Variants in VDAC1 observed in about 807,000 individuals in gnomAD.
VDAC1 encodes the protein non-selective voltage-gated ion channel VDAC1.
In VDAC1, 10 loss-of-function variants were observed where a neutral mutation model predicts 34.7. That is an observed-to-expected ratio of 0.29 (90% CI 0.18 to 0.49). VDAC1 has a LOEUF of 0.49. VDAC1 is among the 20% of genes least tolerant of loss of function. The pLI is 0.99. For synonymous variants in VDAC1, 130 were observed against 136.0 expected (o/e 0.96, Z 0.30); for missense variants, 230 against 347.9 (o/e 0.66, Z 2.69).
the VDAC1 span, among the ~76,000 whole-genome samples, chr5:134,025,767 A>T: frequency 6.7e-6 from 1 of 149,844 alleles, no homozygotes; most frequent in Non-Finnish European, 1.5e-5. Flanking sequence ...GTTTCTTTTC[A>T]TTTTTTTTCA....
At chr5:134,087,655 G>A in the VDAC1 span, among the ~76,000 whole-genome samples, 1 of 150,392 alleles carries the variant, frequency 6.6e-6, no homozygotes, top group South Asian at 2.1e-4. Flanking sequence ...AGGAGTTCAA[G>A]ACCAGCCTGA....
chr5:134,109,957 C>A, the VDAC1 span, among the ~76,000 whole-genome samples: 3 of 152,090 alleles, frequency 2.0e-5, no homozygotes, highest in Non-Finnish European at 4.4e-5. Flanking sequence ...GGACCTGGCA[C>A]ACAGTGGCCA....
At chr5:134,097,752 A>G in the VDAC1 span, among the ~76,000 whole-genome samples, 1 of 152,204 alleles carries the variant, frequency 6.6e-6, no homozygotes, top group Non-Finnish European at 1.5e-5. Context: ...ACAGACATAG[A>G]AGGAGCCAGA....
intron 1 of VDAC1, among the ~76,000 whole-genome samples, chr5:133,993,960 G>A (rs1260321263): frequency 1.3e-5 from 2 of 152,168 alleles, no homozygotes; most frequent in African/African-American, 4.8e-5. Flanking sequence ...GGTCATGCAT[G>A]AGAAAGCCTC....
the VDAC1 span, among the ~76,000 whole-genome samples, chr5:134,018,787 C>A: frequency 6.6e-6 from 1 of 152,196 alleles, no homozygotes; most frequent in Non-Finnish European, 1.5e-5. Flanking sequence ...TTGAGTCAAG[C>A]ATGCTCAGCT....
At chr5:134,047,817 G>A in the VDAC1 span, among the ~76,000 whole-genome samples, 4 of 152,180 alleles carry the variant, frequency 2.6e-5, no homozygotes, top group Admixed American at 6.5e-5. Context: ...GGGATGTCGC[G>A]GGGCAGGTCC....
the VDAC1 span, among the ~76,000 whole-genome samples, chr5:134,047,935 C>CT: frequency 2.3e-3 from 333 of 143,646 alleles, no homozygotes; most frequent in South Asian, 9.1e-3. Context: ...TCATTTTTCT[C>CT]TTTTTTTTTT....
At chr5:134,055,912 G>C in the VDAC1 span, among the ~76,000 whole-genome samples, 1 of 151,558 alleles carries the variant, frequency 6.6e-6, no homozygotes, top group Non-Finnish European at 1.5e-5. Flanking sequence ...TTCACACACA[G>C]AGAGAACTTG....
intron 1 of VDAC1, among the ~76,000 whole-genome samples, chr5:134,004,274 T>C (rs1381789588): frequency 6.6e-6 from 1 of 151,884 alleles, no homozygotes; most frequent in Non-Finnish European, 1.5e-5. Flanking sequence ...GGATGCACGC[T>C]GGTGGGATCC....
At chr5:134,055,588 G>GTTTT in the VDAC1 span, among the ~76,000 whole-genome samples, 211 of 59,592 alleles carry the variant, frequency 3.5e-3, 31 homozygotes, top group African/African-American at 0.011. Context: ...CCCCGCTAAT[G>GTTTT]TTTTTTTTTT....
At chr5:134,047,064 A>G in the VDAC1 span, among the ~76,000 whole-genome samples, 315 of 152,268 alleles carry the variant, frequency 2.1e-3, 1 homozygote, top group Non-Finnish European at 3.9e-3. Flanking sequence ...TACTCGGACT[A>G]TCAGGGCTGG....
chr5:134,059,118 C>A, the VDAC1 span, among the ~76,000 whole-genome samples: 1 of 152,230 alleles, frequency 6.6e-6, no homozygotes, highest in Non-Finnish European at 1.5e-5. Context: ...TCCTAGCAGG[C>A]TTTGCCAGCC....
the VDAC1 span, among the ~76,000 whole-genome samples, chr5:134,079,168 C>T: frequency 6.6e-6 from 1 of 151,530 alleles, no homozygotes; most frequent in Non-Finnish European, 1.5e-5. Context: ...TTGTAGAGTC[C>T]AGGTCTCACT....
intron 6 of VDAC1, 23 bp downstream of exon 6, chr5:133,980,706 C>CCCCA: frequency 2.0e-5 from 24 of 1,203,012 alleles, no homozygotes; most frequent in East Asian, 2.5e-5. Context: ...CCCTCCCACC[C>CCCCA]TGCTGCCCCC....
At chr5:134,095,219 C>A in the VDAC1 span, among the ~76,000 whole-genome samples, 2 of 152,132 alleles carry the variant, frequency 1.3e-5, no homozygotes, top group African/African-American at 4.8e-5. Flanking sequence ...CAATAACACA[C>A]ACCTATAATC....
At chr5:134,088,937 G>A in the VDAC1 span, among the ~76,000 whole-genome samples, 1 of 152,200 alleles carries the variant, frequency 6.6e-6, no homozygotes, top group Non-Finnish European at 1.5e-5. Context: ...CACATATTAT[G>A]CTGAAGGTTC....
At chr5:133,983,073 A>T (rs1752763442) in intron 5 of VDAC1, among the ~76,000 whole-genome samples, 1 of 151,250 alleles carries the variant, frequency 6.6e-6, no homozygotes, top group South Asian at 2.1e-4. Context: ...AACACGGAGA[A>T]ATCCCGTCTC....
the VDAC1 span, among the ~76,000 whole-genome samples, chr5:134,103,164 C>T: frequency 6.6e-6 from 1 of 152,194 alleles, no homozygotes; most frequent in Non-Finnish European, 1.5e-5. Context: ...CTCTGTCACC[C>T]AGGCTGGAGT....
At chr5:134,106,703 GCC>G in the VDAC1 span, among the ~76,000 whole-genome samples, 45 of 152,238 alleles carry the variant, frequency 3.0e-4, no homozygotes, top group East Asian at 7.5e-3. Flanking sequence ...ACCGCGCCTG[GCC>G]CGTCATCCTA....
Sources: allele counts gnomAD v4.1 joint callset (sites outside exome capture counted in the v4.1 genomes callset), GRCh38; gene constraint gnomAD v4.1.1; transcripts MANE v1.5; gene names NCBI Gene and HGNC (gene_info 2026-07-23, HGNC 2026-07-21).